The following CCNYL1 variants were observed in gnomAD, a reference collection of about 807,000 sequenced individuals.
The protein encoded by CCNYL1 is cyclin-Y-like protein 1.
A neutral mutation model predicts 44.2 loss-of-function variants in CCNYL1; 16 were observed. The observed-to-expected ratio is 0.36, with a 90% CI of 0.25 to 0.55. The LOEUF (loss-of-function observed/expected upper bound fraction) is 0.55, where lower values mean the gene tolerates loss of function less well. Among genes scored for constraint, CCNYL1 ranks in the 20% least tolerant of loss-of-function variants. CCNYL1 has a pLI of 0.85. For synonymous variants in CCNYL1, 159 were observed against 163.2 expected (o/e 0.97, Z 0.20); for missense variants, 348 against 451.8 (o/e 0.77, Z 2.08).
At chr2:207,728,490 G>A (rs560268937) in intron 3 of CCNYL1, among the ~76,000 whole-genome samples, 1 of 152,066 alleles carries the variant, frequency 6.6e-6, no homozygotes, top group South Asian at 2.1e-4. Flanking sequence ...TGCTCAGGCT[G>A]GTCTCAAACT....
chr2:207,744,090 G>A (rs973128729), intron 7 of CCNYL1, among the ~76,000 whole-genome samples: 3 of 152,144 alleles, frequency 2.0e-5, no homozygotes, highest in Non-Finnish European at 4.4e-5. Context: ...GACAGGAGGG[G>A]CTCACTATTT....
intron 7 of CCNYL1, 25 bp from the exon 8 acceptor site, chr2:207,747,022 C>A: frequency 2.0e-6 from 3 of 1,531,200 alleles, no homozygotes; most frequent in Non-Finnish European, 1.8e-6. Context: ...GAACTAAAAT[C>A]AAAGACCAGT....
At position 207,712,044 on chromosome 2, in the gene CCNYL1, C is replaced by G. The variant is rs746154175; in HGVS notation, c.148C>G (p.Pro50Ala). Reference sequence around the variant, plus strand: ...GGCGGTAGCGCCCGCTGTGGTGGAGCCTGCCGAGTTGGATTTCGGAGAGGG... The same window carrying G: ...GGCGGTAGCGCCCGCTGTGGTGGAGGCTGCCGAGTTGGATTTCGGAGAGGG... ...AVAVAPAVVEPAELDFGEGEG... is the reference protein window; with the variant it reads ...AVAVAPAVVEAAELDFGEGEG... Residue 50 changes from proline to alanine, a missense_variant, in exon 1 of 10, where the codon CCT (proline) becomes GCT (alanine). Coordinates refer to ENST00000295414, the MANE Select transcript of CCNYL1 (RefSeq NM_001330218.2). The G allele has an allele frequency of 4.5e-6, 7 of 1,544,628 alleles. No individual in the cohort carries two copies. In the African/African-American group the frequency reaches 8.4e-5, roughly 19 times the overall value.
chr2:207,730,018 C>T (rs1005084713), intron 3 of CCNYL1, among the ~76,000 whole-genome samples: 2 of 152,032 alleles, frequency 1.3e-5, no homozygotes, highest in Non-Finnish European at 2.9e-5. Flanking sequence ...CTGCTGGATG[C>T]GTCTTTTCTG....
rs2091913354 is a variant in CCNYL1 at position 207,753,972 on chromosome 2, T to C, written c.*274T>C. ...TCCCATCCTACACACAGATATTTGC[T>C]TACTGTGTGGGCCGATAGCTGTGAA... On this transcript the variant is annotated 3_prime_UTR_variant, in exon 10 of 10. Coordinates refer to ENST00000295414, the MANE Select transcript of CCNYL1 (RefSeq NM_001330218.2). 1 of 323,816 alleles carries C rather than the reference T, an allele frequency of 3.1e-6. No homozygotes were observed. Among genetic ancestry groups the C allele is most frequent in the Admixed American group, 4.8e-5 (1 of 21,018 alleles). The allele number at this position is 323,816 out of a possible 1,614,324, so 20.1% of individuals were successfully genotyped here.
Position 207,711,980 on chromosome 2 carries a change from C to T in CCNYL1, c.84C>T (p.Cys28=). 6.9e-7 allele frequency: 1 copy of T among 1,452,496 alleles called. No homozygotes were observed. Among genetic ancestry groups the T allele is most frequent in the Non-Finnish European group, 9.1e-7 (1 of 1,100,080 alleles). The allele number at this position is 1,452,496 out of a possible 1,614,324, so 90.0% of individuals were successfully genotyped here. The change falls in exon 1 of 10, where the codon TGC becomes TGT. Residue 28 remains cysteine (C), a synonymous_variant. Transcript: ENST00000295414. The part of the protein sequence containing the change: ...GRRAGSAELY[C]ASDIYEAVSG... ...GCGCGGGGTCGGCGGAGCTGTACTG[C>T]GCGTCCGACATCTACGAGGCGGTGT... is the stretch of plus-strand genomic sequence containing the variant.
At chr2:207,750,154 G>A (rs1243707934) in intron 8 of CCNYL1, among the ~76,000 whole-genome samples, 3 of 152,104 alleles carry the variant, frequency 2.0e-5, no homozygotes, top group African/African-American at 7.2e-5. Flanking sequence ...TCCCAACTCA[G>A]AAGAAACACT....
At chr2:207,716,041 A>G (rs977607198) in intron 1 of CCNYL1, among the ~76,000 whole-genome samples, 1 of 152,238 alleles carries the variant, frequency 6.6e-6, no homozygotes, top group Non-Finnish European at 1.5e-5. Flanking sequence ...AGTATTTTCT[A>G]CTACCTTGCC....
At chr2:207,712,943 G>A (rs1324477879) in intron 1 of CCNYL1, among the ~76,000 whole-genome samples, 2 of 152,178 alleles carry the variant, frequency 1.3e-5, no homozygotes, top group Non-Finnish European at 1.5e-5. Context: ...AGCCTCCCGA[G>A]TAGCTGGGAT....
intron 8 of CCNYL1, among the ~76,000 whole-genome samples, chr2:207,747,907 TTTCA>T (rs147302428): frequency 6.6e-5 from 10 of 152,210 alleles, no homozygotes; most frequent in East Asian, 5.8e-4. Flanking sequence ...CCTTTCTCTT[TTTCA>T]TTCATTCATT....
intron 4 of CCNYL1, among the ~76,000 whole-genome samples, chr2:207,736,986 G>A (rs893301739): frequency 2.6e-5 from 4 of 151,808 alleles, no homozygotes; most frequent in African/African-American, 9.7e-5. Flanking sequence ...CACGATCTCG[G>A]CTCACTGCAA....
At chr2:207,716,965 C>T (rs1224379185) in intron 1 of CCNYL1, among the ~76,000 whole-genome samples, 1 of 151,968 alleles carries the variant, frequency 6.6e-6, no homozygotes, top group African/African-American at 2.4e-5. Flanking sequence ...AAAAATTAGC[C>T]GGGCGTGGTG....
chr2:207,713,712 T>C (rs755445504), intron 1 of CCNYL1, among the ~76,000 whole-genome samples: 18 of 152,214 alleles, frequency 1.2e-4, no homozygotes, highest in Non-Finnish European at 2.6e-4. Flanking sequence ...TTAATTTCTT[T>C]AAAATAATAA....
At chr2:207,723,522 C>G (rs1436604843) in intron 1 of CCNYL1, among the ~76,000 whole-genome samples, 1 of 152,106 alleles carries the variant, frequency 6.6e-6, no homozygotes, top group Non-Finnish European at 1.5e-5. Context: ...ATCGCCTTAA[C>G]TGTTACTCTG....
rs530949678 is a variant in CCNYL1, at chr2:207,747,307, A to G, written c.806+94A>G. ...TTTAAGGAATATTTTTAAAGGTTAC[A>G]TTATGCAGATAATGGAAATAGGCAT... On this transcript the variant is annotated intron_variant, in intron 8 of 9. Transcript: ENST00000295414. 4.5e-6 allele frequency: 5 copies of G among 1,102,480 alleles called. No homozygotes were observed. In the East Asian group the frequency reaches 1.3e-4, roughly 29 times the overall value. 68.3% of individuals were successfully genotyped at this position (1,102,480 alleles called of 1,614,324 possible).
intron 5 of CCNYL1, among the ~76,000 whole-genome samples, chr2:207,739,586 GA>G (rs368351977): frequency 3.4e-4 from 52 of 150,996 alleles, no homozygotes; most frequent in African/African-American, 1.2e-3. Context: ...GATATTCTGT[GA>G]AAAAAAAATG....
chr2:207,717,503 C>T (rs905599719), intron 1 of CCNYL1, among the ~76,000 whole-genome samples: 1 of 152,090 alleles, frequency 6.6e-6, no homozygotes, highest in Non-Finnish European at 1.5e-5. Context: ...ATAGATAATA[C>T]ATGAATAATC....
intron 5 of CCNYL1, among the ~76,000 whole-genome samples, chr2:207,737,750 T>A (rs2105832842): frequency 6.6e-6 from 1 of 152,320 alleles, no homozygotes; most frequent in South Asian, 2.1e-4. Context: ...TGTTGATATT[T>A]TGAGCTACAT....
At chr2:207,749,115 C>T (rs1238948973) in intron 8 of CCNYL1, among the ~76,000 whole-genome samples, 1 of 152,192 alleles carries the variant, frequency 6.6e-6, no homozygotes, top group African/African-American at 2.4e-5. Flanking sequence ...CAGATGTAAG[C>T]TTCAGGAGCA....
Sources: allele counts gnomAD v4.1 joint callset (sites outside exome capture counted in the v4.1 genomes callset), GRCh38; gene constraint gnomAD v4.1.1; transcripts MANE v1.5; gene names NCBI Gene and HGNC (gene_info 2026-07-23, HGNC 2026-07-21).